CSMD2: variants seen among roughly 807,000 people sequenced by gnomAD.
CSMD2 encodes CUB and Sushi multiple domains 2.
CSMD2 carries 130 observed loss-of-function variants against 398.5 expected under a neutral mutation model. The observed-to-expected ratio is 0.33, with a 90% CI of 0.28 to 0.38. CSMD2 has a LOEUF of 0.38. Among genes scored for constraint, CSMD2 ranks in the 10% least tolerant of loss-of-function variants. CSMD2 has a pLI of 1.00. For missense variants in CSMD2, 3,829 were observed against 4,764.9 expected (o/e 0.80, Z 5.78); for synonymous variants, 1,828 against 1,908.5 (o/e 0.96, Z 1.10).
chr1:33,568,702 C>A (rs1459143555), intron 52 of CSMD2, among the ~76,000 whole-genome samples: 2 of 152,084 alleles, frequency 1.3e-5, no homozygotes, highest in Non-Finnish European at 2.9e-5. Flanking sequence ...TACCAGCTTC[C>A]TTTGGCTCTC....
intron 13 of CSMD2, among the ~76,000 whole-genome samples, chr1:33,761,860 C>T (rs184482991): frequency 8.0e-4 from 122 of 152,298 alleles, no homozygotes; most frequent in Non-Finnish European, 1.4e-3. Context: ...TACAGGTAGC[C>T]TGGGGGAGCT....
rs1335360962 is a variant in CSMD2 at position 33,792,399 on chromosome 1, A to C, written c.1550+24T>G. ...ACCCCAGCCACCGTCCCACCTTCCA[A>C]ACAACATGCCCCACTGCACTTACAT... On this transcript the variant is annotated intron_variant, in intron 11 of 70. Transcript: ENST00000373381. 4 of 1,578,422 alleles carry C rather than the reference A, an allele frequency of 2.5e-6. No individual in the cohort carries two copies. The Admixed American group carries it at 6.7e-5, about 26-fold the overall frequency.
intron 5 of CSMD2, among the ~76,000 whole-genome samples, chr1:33,853,061 A>G (rs1638830594): frequency 6.6e-6 from 1 of 152,246 alleles, no homozygotes; most frequent in South Asian, 2.1e-4. Context: ...GGGAATCATA[A>G]AAAAGGACAC....
intron 65 of CSMD2, among the ~76,000 whole-genome samples, chr1:33,526,922 C>T (rs1231086551): frequency 1.3e-5 from 2 of 152,174 alleles, no homozygotes; most frequent in Non-Finnish European, 2.9e-5. Flanking sequence ...CAGTCCTATG[C>T]CAGGAGGGGC....
intron 5 of CSMD2, among the ~76,000 whole-genome samples, chr1:33,893,906 A>T (rs1642211786): frequency 6.6e-6 from 1 of 152,166 alleles, no homozygotes. Flanking sequence ...GGGGTGGCTG[A>T]TACTGGACTT....
intron 10 of CSMD2, 49 bp downstream of exon 10, chr1:33,810,694 C>A: frequency 1.3e-6 from 2 of 1,584,244 alleles, no homozygotes; most frequent in South Asian, 1.1e-5. Context: ...CAACTGTCCC[C>A]AACCTAGCCC....
In CSMD2 at chr1:33,617,383, G is replaced by C. The variant is rs929911782; in HGVS notation, c.5946+116C>G. On this transcript the variant is annotated intron_variant, in intron 38 of 70. Transcript: ENST00000373381. ...GCTCCAGGAGAGGATAATGGTACCC[G>C]GGGGACCTGGGGGCTGCTCCCTGTT... is the stretch of plus-strand genomic sequence containing the variant. 4.0e-6 allele frequency: 3 copies of C among 742,720 alleles called. No homozygotes were observed. The East Asian group carries it at 7.8e-5, about 19-fold the overall frequency. 46.0% of individuals were successfully genotyped at this position (742,720 alleles called of 1,614,324 possible).
intron 1 of CSMD2, among the ~76,000 whole-genome samples, chr1:34,148,349 C>T (rs1639974960): frequency 6.6e-6 from 1 of 152,204 alleles, no homozygotes; most frequent in South Asian, 2.1e-4. Context: ...GCCCCTTGCC[C>T]AGTCTCTCAG....
intron 9 of CSMD2, among the ~76,000 whole-genome samples, chr1:33,816,483 C>A (rs927730709): frequency 1.3e-5 from 2 of 152,138 alleles, no homozygotes; most frequent in African/African-American, 4.8e-5. Context: ...CCTGACCCAA[C>A]TTTAATCAGA....
chr1:33,739,916 A>G (rs1168551539), intron 14 of CSMD2, among the ~76,000 whole-genome samples: 1 of 152,136 alleles, frequency 6.6e-6, no homozygotes, highest in Non-Finnish European at 1.5e-5. Flanking sequence ...GGCAATTGAT[A>G]ATGCAGAGTG....
intron 13 of CSMD2, among the ~76,000 whole-genome samples, chr1:33,745,680 G>A (rs1460306901): frequency 6.6e-6 from 1 of 152,150 alleles, no homozygotes; most frequent in Non-Finnish European, 1.5e-5. Flanking sequence ...ATTCAGCAAA[G>A]TAAGCCTGGT....
At chr1:33,955,132 C>T (rs1331704338) in intron 3 of CSMD2, among the ~76,000 whole-genome samples, 1 of 152,202 alleles carries the variant, frequency 6.6e-6, no homozygotes, top group African/African-American at 2.4e-5. Flanking sequence ...GCCCGGATCC[C>T]CATCTGCCTT....
chr1:34,162,928 G>T (rs1476014198), intron 1 of CSMD2, among the ~76,000 whole-genome samples: 1 of 152,156 alleles, frequency 6.6e-6, no homozygotes, highest in African/African-American at 2.4e-5. Context: ...CCAGAGCAGG[G>T]CCTGCCGGAG....
intron 28 of CSMD2, 82 bp downstream of exon 28, chr1:33,652,241 G>A: frequency 2.1e-6 from 3 of 1,459,320 alleles, no homozygotes; most frequent in Non-Finnish European, 2.9e-6. Flanking sequence ...ACAGACCTGT[G>A]AATACTCACC....
intron 2 of CSMD2, 51 bp from the exon 3 acceptor site, chr1:34,032,757 A>G (rs375990806): frequency 7.8e-7 from 1 of 1,288,060 alleles, no homozygotes; most frequent in Admixed American, 2.0e-5. Flanking sequence ...GGGAAACTAC[A>G]CATCCACGAA....
chr1:33,701,842 G>C (rs1376654243), intron 22 of CSMD2, among the ~76,000 whole-genome samples: 1 of 152,116 alleles, frequency 6.6e-6, no homozygotes, highest in East Asian at 1.9e-4. Flanking sequence ...GGAAATCAAT[G>C]GACCAAGGCA....
intron 3 of CSMD2, among the ~76,000 whole-genome samples, chr1:34,011,796 G>C (rs893271588): frequency 2.0e-5 from 3 of 152,014 alleles, no homozygotes; most frequent in African/African-American, 7.3e-5. Flanking sequence ...TACCCTGTTG[G>C]GGTATCAAAT....
intron 10 of CSMD2, among the ~76,000 whole-genome samples, chr1:33,808,768 T>C (rs979209890): frequency 6.6e-6 from 1 of 151,662 alleles, no homozygotes; most frequent in Non-Finnish European, 1.5e-5. Context: ...CAAATAAATA[T>C]ATTAAAAGGA....
At chr1:33,600,506 C>T (rs966458975) in intron 44 of CSMD2, 1 of 505,426 alleles carries the variant, frequency 2.0e-6, no homozygotes, top group Non-Finnish European at 3.5e-6. Context: ...CCCTAGATCC[C>T]TTTGGAGAAG....
Sources: gnomAD v4.1 joint callset for allele counts (sites outside exome capture counted in the v4.1 genomes callset) on GRCh38, gnomAD v4.1.1 for gene constraint, MANE v1.5 for transcripts, NCBI Gene and HGNC (gene_info 2026-07-23, HGNC 2026-07-21) for gene names.